CDH4: variants seen among roughly 807,000 people sequenced by gnomAD.
CDH4 encodes the protein cadherin-4.
Under a neutral mutation model 86.0 loss-of-function variants are expected in CDH4, and 33 were observed. The ratio of observed to expected loss-of-function variants is 0.38; its 90% CI spans 0.29 to 0.51. The LOEUF is 0.51. CDH4 is among the 20% of genes least tolerant of loss of function. The pLI is 0.86. For missense variants in CDH4, 1,114 were observed against 1,307.4 expected, an observed-to-expected ratio of 0.85 and a Z score of 2.28; for synonymous variants, 555 against 549.4, an observed-to-expected ratio of 1.01 and a Z score of -0.14.
At chr20:61,634,586 G>A (rs1268577920) in intron 2 of CDH4, among the ~76,000 whole-genome samples, 5 of 152,238 alleles carry the variant, frequency 3.3e-5, no homozygotes, top group East Asian at 1.9e-4. Flanking sequence ...TGTGCCCATC[G>A]CAGCAATGTG....
At chr20:61,584,127 T>A (rs2086452549) in intron 2 of CDH4, among the ~76,000 whole-genome samples, 2 of 152,200 alleles carry the variant, frequency 1.3e-5, no homozygotes, top group Non-Finnish European at 2.9e-5. Context: ...GCCACTGCAC[T>A]TCAGCCTGGA....
rs1245517084 is a variant in CDH4, at chr20:61,866,522, A to AGG, written c.878-7206_878-7205insGG. On this transcript the variant is annotated intron_variant, in intron 6 of 15. Coordinates refer to ENST00000614565, the MANE Select transcript of CDH4 (RefSeq NM_001794.5). ...TTTTAAAGTAGCTTTTGCACATTTGACATGTGGAAAATGTCTTCCTTTCAT... is the reference window on the plus strand; with the variant it reads ...TTTTAAAGTAGCTTTTGCACATTTGAGGCATGTGGAAAATGTCTTCCTTTCAT... 6.6e-5 allele frequency among the ~76,000 whole-genome samples: 10 copies of AGG among 152,312 alleles called. No individual in the cohort carries two copies. In the East Asian group the frequency reaches 1.4e-3, roughly 21 times the overall value.
chr20:61,563,681 A>C (rs1242000181), intron 2 of CDH4, among the ~76,000 whole-genome samples: 7 of 152,170 alleles, frequency 4.6e-5, no homozygotes, highest in Non-Finnish European at 8.8e-5. Context: ...ACATGCCTGC[A>C]AATGCAGCTC....
At chr20:61,672,350 G>A (rs371805995) in intron 2 of CDH4, among the ~76,000 whole-genome samples, 23 of 152,250 alleles carry the variant, frequency 1.5e-4, no homozygotes, top group South Asian at 4.1e-4. Flanking sequence ...TGCTCTGTAC[G>A]TGGTAGGATT....
At chr20:61,850,050 C>T (rs1982642772) in intron 5 of CDH4, among the ~76,000 whole-genome samples, 2 of 152,234 alleles carry the variant, frequency 1.3e-5, no homozygotes, top group Non-Finnish European at 2.9e-5. Flanking sequence ...ACACGTGTCA[C>T]CCTAAAGCCA....
At chr20:61,736,622 G>C (rs536566383) in intron 2 of CDH4, among the ~76,000 whole-genome samples, 12 of 150,726 alleles carry the variant, frequency 8.0e-5, no homozygotes, top group South Asian at 4.2e-4. Context: ...AGGAAGGAGA[G>C]GGAGGGAGGG....
At chr20:61,514,306 G>GCC (rs1215793319) in intron 2 of CDH4, among the ~76,000 whole-genome samples, 610 of 125,928 alleles carry the variant, frequency 4.8e-3, no homozygotes, top group African/African-American at 0.018. Flanking sequence ...GCCTCAGTCC[G>GCC]CCCCCCCCGC....
At chr20:61,649,450 C>A (rs1023957596) in intron 2 of CDH4, among the ~76,000 whole-genome samples, 2 of 152,232 alleles carry the variant, frequency 1.3e-5, no homozygotes, top group Admixed American at 6.5e-5. Context: ...CACTACTCCA[C>A]TGAATTCATT....
chr20:61,331,638 C>CCTCCTGCCCCGG (rs1568801140), intron 2 of CDH4, among the ~76,000 whole-genome samples: 6 of 23,204 alleles, frequency 2.6e-4, no homozygotes, highest in Non-Finnish European at 5.0e-4. Flanking sequence ...CTGCCCCAGA[C>CCTCCTGCCCCGG]CCACCTCCCG....
chr20:61,776,392 G>A (rs994113378), intron 4 of CDH4, among the ~76,000 whole-genome samples: 2 of 152,218 alleles, frequency 1.3e-5, no homozygotes, highest in African/African-American at 4.8e-5. Context: ...GGCTTTGGGT[G>A]TCAGAATGAG....
At chr20:61,298,219 C>G (rs534350627) in intron 2 of CDH4, among the ~76,000 whole-genome samples, 1 of 152,180 alleles carries the variant, frequency 6.6e-6, no homozygotes, top group South Asian at 2.1e-4. Flanking sequence ...GACACCAGCA[C>G]GATGACTCAG....
chr20:61,522,398 C>G (rs948881777), intron 2 of CDH4, among the ~76,000 whole-genome samples: 2 of 152,220 alleles, frequency 1.3e-5, no homozygotes, highest in Non-Finnish European at 2.9e-5. Flanking sequence ...CACTCGTGAC[C>G]TCGGTAACCA....
At chr20:61,626,329 G>A (rs1416480509) in intron 2 of CDH4, among the ~76,000 whole-genome samples, 1 of 152,218 alleles carries the variant, frequency 6.6e-6, no homozygotes, top group Non-Finnish European at 1.5e-5. Flanking sequence ...GAGCTGCAGA[G>A]GCCAGTTTCA....
In CDH4 at chr20:61,754,989, T is replaced by TA. The variant is rs1157286273; in HGVS notation, c.396+11201dup. 3 of 152,314 alleles carry TA rather than the reference T, an allele frequency of 2.0e-5. No homozygotes were observed. The highest frequency in any genetic ancestry group is 7.2e-5 in the African/African-American group (3 of 41,418). The allele number at this position is 152,314 out of a possible 1,614,324, so 9.4% of individuals were successfully genotyped here. ...GAAGAAAAAGAGGTTTAGTTGGACTTACAGTTCCACATGGCTGTGAGGCCT... is the reference window on the plus strand; with the variant it reads ...GAAGAAAAAGAGGTTTAGTTGGACTTAACAGTTCCACATGGCTGTGAGGCCT... On this transcript the variant is annotated intron_variant, in intron 3 of 15. Transcript: ENST00000614565. This position sits in a 1 kb window ranked among gnomAD's most constrained non-coding sequence, Gnocchi z 4.7.
At chr20:61,641,418 C>T (rs1271530606) in intron 2 of CDH4, among the ~76,000 whole-genome samples, 1 of 152,132 alleles carries the variant, frequency 6.6e-6, no homozygotes, top group African/African-American at 2.4e-5. Flanking sequence ...CAGTTGTTCC[C>T]ACAAACCAGG....
At chr20:61,271,230 T>C (rs2084181416) in intron 2 of CDH4, among the ~76,000 whole-genome samples, 1 of 152,174 alleles carries the variant, frequency 6.6e-6, no homozygotes, top group Admixed American at 6.5e-5. Context: ...TGGCCCCATC[T>C]CATCTGCTTT....
At chr20:61,695,024 T>C (rs563341476) in intron 2 of CDH4, among the ~76,000 whole-genome samples, 8 of 152,296 alleles carry the variant, frequency 5.3e-5, no homozygotes, top group African/African-American at 1.2e-4. Flanking sequence ...ATAGATTTCT[T>C]TGGATAGGTG....
chr20:61,448,054 C>A (rs1351368621), intron 2 of CDH4, among the ~76,000 whole-genome samples: 1 of 152,204 alleles, frequency 6.6e-6, no homozygotes. Context: ...GCTTTCTATG[C>A]TGATTTCCAT....
At chr20:61,304,263 A>ACC (rs5842346) in intron 2 of CDH4, among the ~76,000 whole-genome samples, 60,350 of 149,878 alleles carry the variant, frequency 0.4, 14,816 homozygotes, top group South Asian at 0.53. Context: ...AGTGGACGGC[A>ACC]CCCCCCCAAC....
Sources: gnomAD v4.1 joint callset for allele counts (sites outside exome capture counted in the v4.1 genomes callset) on GRCh38, gnomAD v4.1.1 for gene constraint, Gnocchi (gnomAD v3.1) non-coding constraint, MANE v1.5 for transcripts, NCBI Gene and HGNC (gene_info 2026-07-23, HGNC 2026-07-21) for gene names.